The following ADAMTS7 variants were observed in gnomAD, a reference collection of about 807,000 sequenced individuals.
The protein encoded by ADAMTS7 is A disintegrin and metalloproteinase with thrombospondin motifs 7.
Under a neutral mutation model 172.6 loss-of-function variants are expected in ADAMTS7, and 89 were observed. That is an observed-to-expected ratio of 0.52 (90% CI 0.43 to 0.61). The LOEUF is 0.61. Among genes scored for constraint, ADAMTS7 ranks in the 20% least tolerant of loss-of-function variants. The pLI is 0.00. For missense variants in ADAMTS7, 1,973 were observed against 2,355.6 expected, an observed-to-expected ratio of 0.84 and a Z score of 3.36; for synonymous variants, 885 against 978.4, an observed-to-expected ratio of 0.90 and a Z score of 1.78.
intron 1 of ADAMTS7, among the ~76,000 whole-genome samples, chr15:78,802,982 G>GT (rs1469363558): frequency 2.0e-5 from 3 of 152,052 alleles, no homozygotes; most frequent in African/African-American, 7.2e-5. Flanking sequence ...GGGCGACAGA[G>GT]TGAGACCCTG....
Position 78,800,306 on chromosome 15 carries a change from G to A in ADAMTS7, c.342C>T (p.Gly114=), listed in dbSNP as rs757163080. ...PGFVSETRRR[G]GLGRAHIRAH... ...CCCGGATGTGCGCGCGGCCCAGGCC[G>A]CCGCGCCGCCGCGTCTCGCTCACAA... is the stretch of plus-strand genomic sequence containing the variant. The change falls in exon 2 of 24, where the codon GGC becomes GGT. Residue 114 remains glycine (G), a synonymous_variant. Coordinates refer to ENST00000388820, the MANE Select transcript of ADAMTS7 (RefSeq NM_014272.5). The A allele has an allele frequency of 6.9e-6, 11 of 1,587,414 alleles. No individual in the cohort carries two copies. Among genetic ancestry groups the A allele is most frequent in the African/African-American group, 1.3e-5 (1 of 74,276 alleles).
At chr15:78,801,352 C>G (rs1249159707) in intron 1 of ADAMTS7, among the ~76,000 whole-genome samples, 1 of 152,122 alleles carries the variant, frequency 6.6e-6, no homozygotes, top group Non-Finnish European at 1.5e-5. Context: ...CCTTGCAGTT[C>G]CTCCACAGGC....
At chr15:78,796,345 C>T (rs1175674619) in intron 4 of ADAMTS7, among the ~76,000 whole-genome samples, 2 of 152,152 alleles carry the variant, frequency 1.3e-5, no homozygotes, top group East Asian at 1.9e-4. Context: ...CCTGCTCCCC[C>T]TCCTAGTGGC....
Position 78,790,814 on chromosome 15 carries a change from C to G in ADAMTS7, c.904-20G>C, listed in dbSNP as rs200303182. 6.2e-7 allele frequency: 1 copy of G among 1,611,998 alleles called. No individual in the cohort carries two copies. Among genetic ancestry groups the G allele is most frequent in the Non-Finnish European group, 8.5e-7 (1 of 1,179,108 alleles). On this transcript the variant is annotated intron_variant, in intron 5 of 23. Coordinates refer to ENST00000388820, the MANE Select transcript of ADAMTS7 (RefSeq NM_014272.5). ...GTCCTCCTGGGGGCAGAGAGAGTGA[C>G]TGCTCATGCCTCCCCTGAGTTCCAA...
intron 9 of ADAMTS7, chr15:78,777,134 T>G (rs2055359197): frequency 8.8e-6 from 5 of 565,730 alleles, no homozygotes; most frequent in Admixed American, 6.3e-5. Flanking sequence ...CAGGCGATCT[T>G]CGCCAGGATA....
At chr15:78,763,104 T>C (rs2141469305) in intron 22 of ADAMTS7, among the ~76,000 whole-genome samples, 1 of 152,326 alleles carries the variant, frequency 6.6e-6, no homozygotes, top group East Asian at 1.9e-4. Context: ...TTCCTTCATT[T>C]AATCCTCCTG....
At chr15:78,785,819 A>G (rs2055493784) in intron 8 of ADAMTS7, among the ~76,000 whole-genome samples, 1 of 152,182 alleles carries the variant, frequency 6.6e-6, no homozygotes, top group Non-Finnish European at 1.5e-5. Flanking sequence ...GAAAGTAAAT[A>G]CAAGAAAAAG....
At chr15:78,802,936 G>T (rs1243279103) in intron 1 of ADAMTS7, among the ~76,000 whole-genome samples, 6 of 152,154 alleles carry the variant, frequency 3.9e-5, no homozygotes, top group Non-Finnish European at 7.3e-5. Context: ...GGTGGAGGTT[G>T]TAGTGAGCCG....
rs532999265 is a variant in ADAMTS7, at chr15:78,784,558, A to G, written c.1322+3673T>C. On this transcript the variant is annotated intron_variant, in intron 8 of 23. Coordinates refer to ENST00000388820, the MANE Select transcript of ADAMTS7 (RefSeq NM_014272.5). ...AAAATGTAAGAAAGTTGTCAAATAAATAATACAACAACAGTTCAAGAACTG... is the reference window on the plus strand; with the variant it reads ...AAAATGTAAGAAAGTTGTCAAATAAGTAATACAACAACAGTTCAAGAACTG... Among the ~76,000 whole-genome samples, 478 of 152,354 alleles carry G rather than the reference A, an allele frequency of 3.1e-3. 2 individuals carry two copies. The highest frequency in any genetic ancestry group is 0.011 in the African/African-American group (464 of 41,582).
Position 78,798,203 on chromosome 15 carries a change from C to T in ADAMTS7, c.457-90G>A. The stretch of plus-strand genomic sequence containing the variant: ...CAGAGGCCCGTCCTGCTCAGCTGAG[C>T]CCCCACTGCCCACACCACCTGTGAC... On this transcript the variant is annotated intron_variant, in intron 2 of 23. Coordinates refer to ENST00000388820, the MANE Select transcript of ADAMTS7 (RefSeq NM_014272.5). The T allele has an allele frequency of 7.0e-6, 9 of 1,285,612 alleles. No individual in the cohort carries two copies. The South Asian group carries it at 1.3e-4, about 18-fold the overall frequency. 79.6% of individuals were successfully genotyped at this position (1,285,612 alleles called of 1,614,324 possible). A position where few individuals can be genotyped will look rare whatever the true frequency, so the allele number is the denominator to read the frequency against.
rs1269797327 is a variant in ADAMTS7, at chr15:78,773,091, T to C, written c.2123A>G (p.Glu708Gly). The change falls in exon 14 of 24, where the codon GAG becomes GGG. Residue 708 changes from glutamate to glycine, a missense_variant. Glu to Gly is a moderately conservative substitution (Grantham distance 98). Around this residue, in one of 8 missense-constraint regions of ADAMTS7, gnomAD observed 771 missense variants for 952.6 expected, o/e 0.81. Coordinates refer to ENST00000388820, the MANE Select transcript of ADAMTS7 (RefSeq NM_014272.5). ...HTVSGTFEEA[E>G]GLGYVDVGLI... ...GCGGTCCCACCCCATACCCAGGCCC[T>C]CGGCCTCCTCGAAGGTCCCGCTCAC... 6.6e-7 allele frequency: 1 copy of C among 1,506,712 alleles called. No individual in the cohort carries two copies. The highest frequency in any genetic ancestry group is 9.1e-7 in the Non-Finnish European group (1 of 1,102,914). The allele number at this position is 1,506,712 out of a possible 1,614,324, so 93.3% of individuals were successfully genotyped here. A position where few individuals can be genotyped will look rare whatever the true frequency, so the allele number is the denominator to read the frequency against.
chr15:78,765,772 T>A lies in ADAMTS7; in HGVS notation c.4139A>T (p.Asp1380Val). The A allele has an allele frequency of 1.9e-6, 3 of 1,609,340 alleles. No individual in the cohort carries two copies. The highest frequency in any genetic ancestry group is 2.5e-6 in the Non-Finnish European group (3 of 1,179,560). ...GACTCTGTGGCTGTTGGCGGGGCTG[T>A]CCCAAGCTGGTGTGGACAGCAGCCT... is the stretch of plus-strand genomic sequence containing the variant. ...SSRLLSTPAW[D>V]SPANSHRVPE... The change falls in exon 19 of 24, where the codon GAC becomes GTC. Residue 1380 changes from aspartate to valine, a missense_variant. Physicochemically the swap from Asp to Val is radical, Grantham distance 152. Transcript: ENST00000388820.
Position 78,811,186 on chromosome 15 carries a change from G to A in ADAMTS7, c.35C>T (p.Pro12Leu). 1 of 1,229,794 alleles carries A rather than the reference G, an allele frequency of 8.1e-7. No individual in the cohort carries two copies. Among genetic ancestry groups the A allele is most frequent in the Non-Finnish European group, 1.0e-6 (1 of 986,658 alleles). The allele number at this position is 1,229,794 out of a possible 1,614,324, so 76.2% of individuals were successfully genotyped here. ...PGGPSPRSPA[P>L]LLRPLLLLLC... ...GAGCAGGAGGAGGGGGCGCAGCAAA[G>A]GCGCGGGGCTGCGGGGACTGGGGCC... Residue 12 changes from proline to leucine, a missense_variant, in exon 1 of 24, where the codon CCT becomes CTT. By Grantham distance (98) the Pro-to-Leu change is moderately conservative. Coordinates refer to ENST00000388820, the MANE Select transcript of ADAMTS7 (RefSeq NM_014272.5).
intron 8 of ADAMTS7, among the ~76,000 whole-genome samples, chr15:78,779,238 A>G (rs2055395941): frequency 6.6e-6 from 1 of 152,190 alleles, no homozygotes; most frequent in African/African-American, 2.4e-5. Flanking sequence ...ATGCAGTCCT[A>G]GTGCCCAAGA....
At position 78,767,018 on chromosome 15, in the gene ADAMTS7, G is replaced by A. The variant is rs190542337; in HGVS notation, c.2893C>T (p.Arg965Ter). Residue 965 changes from arginine (R) to a stop codon, truncating the protein, a stop_gained, in exon 19 of 24, where the codon CGA (arginine) becomes TGA (stop). Transcript: ENST00000388820. LOFTEE classifies it high-confidence loss of function. ...SVTCGEGTQRRNVLCTNDTGV... is the reference protein window; with the variant it reads ...SVTCGEGTQR ...GTGTCATTGGTGCAGAGGACATTTC[G>A]GCGCTGAGTGCCCTCCCCACATGTC... 25 of 1,572,838 alleles carry A rather than the reference G, an allele frequency of 1.6e-5. 1 individual carries two copies. The highest frequency in any genetic ancestry group is 1.4e-4 in the Admixed American group (8 of 55,296).
chr15:78,805,439 T>A (rs1251971352), intron 1 of ADAMTS7, among the ~76,000 whole-genome samples: 1 of 152,116 alleles, frequency 6.6e-6, no homozygotes, highest in Non-Finnish European at 1.5e-5. Context: ...CTGGCAGAAG[T>A]GGCTGGGGTG....
At chr15:78,776,648 G>T in intron 10 of ADAMTS7, 101 bp downstream of exon 10, 1 of 1,228,304 alleles carries the variant, frequency 8.1e-7, no homozygotes, top group Non-Finnish European at 1.2e-6. Context: ...TCTGCTAGGA[G>T]CACAAGCAAG....
chr15:78,801,056 ACTT>A (rs2141523778), intron 1 of ADAMTS7, among the ~76,000 whole-genome samples: 1 of 152,294 alleles, frequency 6.6e-6, no homozygotes, highest in South Asian at 2.1e-4. Flanking sequence ...TGCTGCGGTA[ACTT>A]CTTAACAGGT....
chr15:78,803,814 G>A (rs1209994931), intron 1 of ADAMTS7, among the ~76,000 whole-genome samples: 1 of 152,252 alleles, frequency 6.6e-6, no homozygotes, highest in Non-Finnish European at 1.5e-5. Flanking sequence ...TGCAACAACT[G>A]TAATGAGATA....
Sources: allele counts gnomAD v4.1 joint callset (sites outside exome capture counted in the v4.1 genomes callset), GRCh38; gene constraint gnomAD v4.1.1; regional missense constraint gnomAD v4.1.1; transcripts MANE v1.5; gene names NCBI Gene and HGNC (gene_info 2026-07-23, HGNC 2026-07-21).